The following LRRC37A2 variants were observed in gnomAD, a reference collection of about 807,000 sequenced individuals.
LRRC37A2 encodes leucine rich repeat containing 37 member A2.
LRRC37A2 carries 9 observed loss-of-function variants against 68.8 expected under a neutral mutation model. The ratio of observed to expected loss-of-function variants is 0.13; its 90% CI spans 0.08 to 0.23. The LOEUF (loss-of-function observed/expected upper bound fraction) is 0.23. Among genes scored for constraint, LRRC37A2 ranks in the 10% least tolerant of loss-of-function variants. The pLI, the probability that LRRC37A2 is intolerant of heterozygous loss-of-function variation, is 1.00. For missense variants in LRRC37A2, 168 were observed against 950.4 expected, an observed-to-expected ratio of 0.18 and a Z score of 10.82; for synonymous variants, 63 against 367.6, an observed-to-expected ratio of 0.17 and a Z score of 9.48.
the LRRC37A2 span, chr17:46,886,551 A>AGGTG: frequency 6.6e-6 from 1 of 152,188 alleles, no homozygotes; most frequent in Non-Finnish European, 1.5e-5. Flanking sequence ...CTGTCAATGT[A>AGGTG]GGTGGCCAGG....
At chr17:46,900,254 T>A in the LRRC37A2 span, among the ~76,000 whole-genome samples, 1 of 146,310 alleles carries the variant, frequency 6.8e-6, no homozygotes, top group African/African-American at 2.6e-5. Context: ...TATATATGTA[T>A]ATATATATTT....
the LRRC37A2 span, among the ~76,000 whole-genome samples, chr17:46,904,191 GTTA>G: frequency 6.7e-6 from 1 of 148,360 alleles, no homozygotes; most frequent in African/African-American, 2.5e-5. Context: ...TGGGTGGCTG[GTTA>G]GCTGGATATA....
the LRRC37A2 span, among the ~76,000 whole-genome samples, chr17:46,994,692 A>G: frequency 6.6e-6 from 1 of 152,086 alleles, no homozygotes; most frequent in African/African-American, 2.4e-5. Flanking sequence ...TATTTTGAGG[A>G]TGCTTTTCTC....
chr17:47,029,324 T>C, the LRRC37A2 span, among the ~76,000 whole-genome samples: 51 of 152,272 alleles, frequency 3.3e-4, no homozygotes, highest in Middle Eastern at 3.4e-3. Flanking sequence ...TGTATCTTAA[T>C]TCCATATACT....
the LRRC37A2 span, among the ~76,000 whole-genome samples, chr17:46,729,840 G>C: frequency 6.6e-6 from 1 of 152,000 alleles, no homozygotes; most frequent in Non-Finnish European, 1.5e-5. Context: ...TAAATGACTT[G>C]TCTTGGTTTT....
the LRRC37A2 span, among the ~76,000 whole-genome samples, chr17:46,868,204 C>T: frequency 6.6e-6 from 1 of 152,220 alleles, no homozygotes; most frequent in South Asian, 2.1e-4. Flanking sequence ...AGTTGGCAAA[C>T]AACCCTTCCT....
the LRRC37A2 span, among the ~76,000 whole-genome samples, chr17:46,684,422 A>G: frequency 6.6e-6 from 1 of 151,848 alleles, no homozygotes; most frequent in African/African-American, 2.4e-5. Context: ...GTGCCTCAAT[A>G]AACATGTGTG....
At chr17:46,874,491 G>T in the LRRC37A2 span, among the ~76,000 whole-genome samples, 2 of 152,188 alleles carry the variant, frequency 1.3e-5, no homozygotes, top group African/African-American at 4.8e-5. Flanking sequence ...AGAGGTGAAG[G>T]CCGTAGCCCC....
chr17:46,489,495 T>A, the LRRC37A2 span, among the ~76,000 whole-genome samples: 2 of 145,940 alleles, frequency 1.4e-5, no homozygotes, highest in African/African-American at 5.4e-5. Context: ...GTTTGTTTGT[T>A]TGTTTTTTGA....
At chr17:46,968,222 C>T in the LRRC37A2 span, among the ~76,000 whole-genome samples, 4 of 152,170 alleles carry the variant, frequency 2.6e-5, no homozygotes, top group African/African-American at 9.7e-5. Flanking sequence ...GGGAAGGAGG[C>T]GTCCAGAGAC....
chr17:46,726,412 T>G, the LRRC37A2 span: 1 of 790,026 alleles, frequency 1.3e-6, no homozygotes, highest in Non-Finnish European at 2.2e-6. Context: ...AGTGTGTCAA[T>G]TCTAATTTAT....
chr17:46,929,798 C>T, the LRRC37A2 span: 1 of 545,236 alleles, frequency 1.8e-6, no homozygotes, highest in South Asian at 2.0e-5. Context: ...ATTACCCCTC[C>T]ACTCAACCTG....
chr17:46,599,870 A>AAAT, the LRRC37A2 span, among the ~76,000 whole-genome samples: 2 of 97,904 alleles, frequency 2.0e-5, no homozygotes, highest in African/African-American at 9.6e-5. Flanking sequence ...TCAGTCTCAA[A>AAAT]AATAATAATA....
chr17:46,859,667 G>T, the LRRC37A2 span, among the ~76,000 whole-genome samples: 1 of 152,124 alleles, frequency 6.6e-6, no homozygotes, highest in Non-Finnish European at 1.5e-5. Context: ...AATTGCATGG[G>T]CTATTCAGGG....
At chr17:46,957,954 G>A in the LRRC37A2 span, among the ~76,000 whole-genome samples, 3 of 152,154 alleles carry the variant, frequency 2.0e-5, no homozygotes, top group East Asian at 1.9e-4. Flanking sequence ...AGAGGGAGTC[G>A]GAGATCTGAC....
chr17:46,808,925 C>T, the LRRC37A2 span, among the ~76,000 whole-genome samples: 1 of 152,142 alleles, frequency 6.6e-6, no homozygotes, highest in Non-Finnish European at 1.5e-5. Context: ...CTCTAAGGAC[C>T]CTCCATAGTT....
the LRRC37A2 span, among the ~76,000 whole-genome samples, chr17:46,869,654 G>A: frequency 2.0e-5 from 3 of 152,122 alleles, no homozygotes; most frequent in African/African-American, 7.2e-5. Context: ...CATTTAGTTA[G>A]ACAAACCAAC....
chr17:46,737,907 CATA>C, the LRRC37A2 span, among the ~76,000 whole-genome samples: 1 of 125,412 alleles, frequency 8.0e-6, no homozygotes, highest in African/African-American at 3.0e-5. Flanking sequence ...CTAAAATTAG[CATA>C]TTATTATTAT....
the LRRC37A2 span, among the ~76,000 whole-genome samples, chr17:46,852,070 C>T: frequency 5.2e-3 from 795 of 152,368 alleles, 13 homozygotes; most frequent in African/African-American, 0.018. Context: ...CTGATGCCCT[C>T]TCGGGATCCT....
Sources: gnomAD v4.1 joint callset for allele counts (sites outside exome capture counted in the v4.1 genomes callset) on GRCh38, gnomAD v4.1.1 for gene constraint, MANE v1.5 for transcripts, NCBI Gene and HGNC (gene_info 2026-07-23, HGNC 2026-07-21) for gene names.